Variants in ATG10 observed in about 807,000 individuals in gnomAD.
ATG10 encodes autophagy related 10.
In ATG10, 30 loss-of-function variants were observed where a neutral mutation model predicts 32.1. That is an observed-to-expected ratio of 0.94 (90% CI 0.70 to 1.27). The LOEUF is 1.27. Ranked by LOEUF, ATG10 falls within the 50% of genes most tolerant of loss-of-function variation. The pLI is 0.00. For missense variants in ATG10, 233 were observed against 262.3 expected, an observed-to-expected ratio of 0.89 and a Z score of 0.77; for synonymous variants, 87 against 91.5, an observed-to-expected ratio of 0.95 and a Z score of 0.28.
At chr5:82,004,955 A>G (rs1439117008) in intron 2 of ATG10, among the ~76,000 whole-genome samples, 2 of 152,210 alleles carry the variant, frequency 1.3e-5, no homozygotes, top group Non-Finnish European at 2.9e-5. Context: ...AATTCAAGAG[A>G]TATACCCTAA....
chr5:82,072,738 T>A (rs1014143165), intron 3 of ATG10, among the ~76,000 whole-genome samples: 1 of 152,216 alleles, frequency 6.6e-6, no homozygotes, highest in Non-Finnish European at 1.5e-5. Flanking sequence ...TAAAAGTCGA[T>A]CCACCTTCCA....
chr5:82,173,106 AT>A (rs1158727044), intron 4 of ATG10, among the ~76,000 whole-genome samples: 1 of 152,206 alleles, frequency 6.6e-6, no homozygotes, highest in Non-Finnish European at 1.5e-5. Context: ...TCAGAACATT[AT>A]TCTTAAACTT....
chr5:82,157,001 G>GTCTA (rs1011848882), intron 3 of ATG10, among the ~76,000 whole-genome samples: 3 of 152,130 alleles, frequency 2.0e-5, no homozygotes. Context: ...AAGAAACAGG[G>GTCTA]TCTAGGAAGC....
At chr5:82,075,524 T>C (rs1764248578) in intron 3 of ATG10, among the ~76,000 whole-genome samples, 1 of 152,262 alleles carries the variant, frequency 6.6e-6, no homozygotes, top group Non-Finnish European at 1.5e-5. Context: ...AATCTATAAC[T>C]ATTTCAACAA....
At chr5:82,070,564 G>C (rs571537307) in intron 3 of ATG10, among the ~76,000 whole-genome samples, 15 of 152,006 alleles carry the variant, frequency 9.9e-5, no homozygotes, top group Non-Finnish European at 1.5e-4. Context: ...GCTTCTCTCT[G>C]AACATTCTTT....
At chr5:82,066,829 G>A (rs532912385) in intron 3 of ATG10, among the ~76,000 whole-genome samples, 19 of 152,070 alleles carry the variant, frequency 1.2e-4, no homozygotes, top group Non-Finnish European at 2.6e-4. Flanking sequence ...TGGAATAAAT[G>A]GTGAGCCACA....
intron 2 of ATG10, among the ~76,000 whole-genome samples, chr5:82,044,477 A>G (rs1298117679): frequency 6.6e-6 from 1 of 152,016 alleles, no homozygotes; most frequent in Non-Finnish European, 1.5e-5. Context: ...TGTTTCAGTC[A>G]TATTTACCTA....
Position 82,254,117 on chromosome 5 carries a change from A to T in ATG10, c.*54A>T, listed in dbSNP as rs553704544. ...GCGGCACGAAGAATGCCAAGAGTTT[A>T]CCTGGCCAGCCCTGGCTTTAATAGG... is the stretch of plus-strand genomic sequence containing the variant. On this transcript the variant is annotated 3_prime_UTR_variant, in exon 8 of 8. Transcript: ENST00000282185. 6.6e-6 allele frequency: 1 copy of T among 152,398 alleles called. No homozygotes were observed. The highest frequency in any genetic ancestry group is 2.4e-5 in the African/African-American group (1 of 41,576). 9.4% of individuals were successfully genotyped at this position (152,398 alleles called of 1,614,324 possible).
At chr5:82,242,873 G>A in intron 5 of ATG10, 1 of 446,206 alleles carries the variant, frequency 2.2e-6, no homozygotes, top group Non-Finnish European at 4.5e-6. Context: ...CTGACACATA[G>A]GGAAAAATGG....
In ATG10 at chr5:82,228,099, C is replaced by T. The variant is rs1471328316; in HGVS notation, c.454-24463C>T. Among the ~76,000 whole-genome samples the T allele has an allele frequency of 5.3e-5, 8 of 151,622 alleles. No individual in the cohort carries two copies. The East Asian group carries it at 5.8e-4, about 11-fold the overall frequency. On this transcript the variant is annotated intron_variant, in intron 5 of 7. Coordinates refer to ENST00000282185, the MANE Select transcript of ATG10 (RefSeq NM_031482.5). ...GCATGAACCTGTAGTCCCAGCTACT[C>T]GGGAAGCTGAGGTGGGAGGATCGCT...
intron 5 of ATG10, 84 bp downstream of exon 5, chr5:82,178,671 C>G: frequency 4.5e-6 from 4 of 886,674 alleles, no homozygotes; most frequent in Non-Finnish European, 7.5e-6. Flanking sequence ...CCCTCTCCAA[C>G]TCTTTTCCCT....
In ATG10 at chr5:82,069,957, A is replaced by G. The variant is rs543568785; in HGVS notation, c.216+11355A>G. On this transcript the variant is annotated intron_variant, in intron 3 of 7. Transcript: ENST00000282185. ...GCATAAATGTGATATGGGAACTTCA[A>G]TAATGCTCTTCCATATGGTGCCTGC... Among the ~76,000 whole-genome samples, 225 of 152,310 alleles carry G rather than the reference A, an allele frequency of 1.5e-3. 1 individual carries two copies. Among genetic ancestry groups the G allele is most frequent in the Non-Finnish European group, 2.7e-3 (182 of 68,016 alleles).
intron 3 of ATG10, among the ~76,000 whole-genome samples, chr5:82,152,218 G>T (rs999606440): frequency 2.0e-5 from 3 of 152,228 alleles, no homozygotes; most frequent in Non-Finnish European, 2.9e-5. Context: ...GATTAGGACA[G>T]GGTTCTTTAT....
At chr5:82,144,827 C>G (rs1767282546) in intron 3 of ATG10, among the ~76,000 whole-genome samples, 1 of 151,780 alleles carries the variant, frequency 6.6e-6, no homozygotes, top group African/African-American at 2.4e-5. Flanking sequence ...GGTCATAAGT[C>G]CTCTTTGTTT....
intron 3 of ATG10, among the ~76,000 whole-genome samples, chr5:82,141,817 T>TACACACAC (rs962266873): frequency 6.6e-6 from 1 of 150,704 alleles, no homozygotes; most frequent in Non-Finnish European, 1.5e-5. Context: ...CATACACACA[T>TACACACAC]ACACACACAC....
intron 3 of ATG10, among the ~76,000 whole-genome samples, chr5:82,108,991 G>A (rs773580149): frequency 3.3e-5 from 5 of 152,056 alleles, no homozygotes; most frequent in Non-Finnish European, 5.9e-5. Flanking sequence ...TGGATTTGGA[G>A]CCGAAGAAAA....
At chr5:82,175,385 A>G (rs975893996) in intron 4 of ATG10, among the ~76,000 whole-genome samples, 3 of 152,152 alleles carry the variant, frequency 2.0e-5, no homozygotes, top group African/African-American at 7.2e-5. Flanking sequence ...GCTTCAAATA[A>G]TCCTCCCACC....
At chr5:81,992,006 A>G (rs62367448) in intron 2 of ATG10, 1 of 151,342 alleles carries the variant, frequency 6.6e-6, no homozygotes, top group South Asian at 2.1e-4. Flanking sequence ...TTTTTTTTAA[A>G]TCGAGACAGG....
At chr5:82,012,068 C>T (rs1398922462) in intron 2 of ATG10, among the ~76,000 whole-genome samples, 1 of 152,158 alleles carries the variant, frequency 6.6e-6, no homozygotes, top group Admixed American at 6.5e-5. Flanking sequence ...ATCAGTTGAG[C>T]CTCTCTGGCA....
Sources: allele counts gnomAD v4.1 joint callset (sites outside exome capture counted in the v4.1 genomes callset), GRCh38; gene constraint gnomAD v4.1.1; transcripts MANE v1.5; gene names NCBI Gene and HGNC (gene_info 2026-07-23, HGNC 2026-07-21).